POU2AF3: variants seen among roughly 807,000 people sequenced by gnomAD.
The protein encoded by POU2AF3 is cancer susceptibility candidate 13.
the POU2AF3 span, chr11:111,298,826 G>GCCGGGGGC: frequency 1.9e-5 from 15 of 790,960 alleles, no homozygotes; most frequent in Non-Finnish European, 2.4e-5. Context: ...CGTACCCCAG[G>GCCGGGGGC]CCCCCGCCCG....
the POU2AF3 span, chr11:111,299,169 C>T: frequency 1.0e-6 from 1 of 954,350 alleles, no homozygotes; most frequent in East Asian, 1.2e-4. Flanking sequence ...GAGACCCTAA[C>T]TCCTGGAACC....
chr11:111,304,368 T>C, the POU2AF3 span, among the ~76,000 whole-genome samples: 1 of 152,168 alleles, frequency 6.6e-6, no homozygotes, highest in Non-Finnish European at 1.5e-5. Flanking sequence ...TAGGAAGCCT[T>C]TTGCTGCATT....
chr11:111,298,826 G>GCGGGGGGCGCC, the POU2AF3 span: 1 of 790,960 alleles, frequency 1.3e-6, no homozygotes, highest in South Asian at 6.7e-5. Flanking sequence ...CGTACCCCAG[G>GCGGGGGGCGCC]CCCCCGCCCG....
the POU2AF3 span, chr11:111,305,009 C>T: frequency 1.6e-6 from 2 of 1,218,130 alleles, no homozygotes; most frequent in Non-Finnish European, 1.0e-6. Flanking sequence ...TTAACAGTTC[C>T]CTCAAACACT....
chr11:111,306,368 AC>A, the POU2AF3 span: 1 of 1,348,334 alleles, frequency 7.4e-7, no homozygotes, highest in Non-Finnish European at 9.7e-7. Flanking sequence ...TTATGCAAAA[AC>A]CTGCCTTTTT....
the POU2AF3 span, chr11:111,305,039 A>G: frequency 9.2e-7 from 1 of 1,083,824 alleles, no homozygotes. Context: ...GTCCATCTCA[A>G]AAGTCTTTCA....
chr11:111,308,301 AGGCAGAGGACTT>A, the POU2AF3 span: 1 of 1,551,734 alleles, frequency 6.4e-7, no homozygotes. Flanking sequence ...GCATCGTGTG[AGGCAGAGGACTT>A]GGATGCTCTC....
the POU2AF3 span, chr11:111,308,291 G>A: frequency 2.7e-5 from 42 of 1,551,610 alleles, no homozygotes; most frequent in Non-Finnish European, 3.1e-5. Flanking sequence ...CTGCTACTGC[G>A]CATCGTGTGA....
chr11:111,302,794 G>A, the POU2AF3 span, among the ~76,000 whole-genome samples: 8 of 152,134 alleles, frequency 5.3e-5, no homozygotes, highest in Non-Finnish European at 1.0e-4. Flanking sequence ...AAAGCCAGAC[G>A]TAAAATCCCT....
At chr11:111,306,647 T>C in the POU2AF3 span, 106 of 1,500,410 alleles carry the variant, frequency 7.1e-5, no homozygotes, top group Admixed American at 9.9e-5. Flanking sequence ...GTTCTTTATA[T>C]ACCTGATTGT....
the POU2AF3 span, chr11:111,306,369 C>T: frequency 1.5e-6 from 2 of 1,348,356 alleles, no homozygotes; most frequent in Non-Finnish European, 1.9e-6. Context: ...TATGCAAAAA[C>T]CTGCCTTTTT....
At chr11:111,302,229 T>G in the POU2AF3 span, among the ~76,000 whole-genome samples, 1 of 152,188 alleles carries the variant, frequency 6.6e-6, no homozygotes. Flanking sequence ...AAAACCCTTC[T>G]GTTGGCTCTT....
the POU2AF3 span, among the ~76,000 whole-genome samples, chr11:111,302,602 C>A: frequency 6.6e-6 from 1 of 152,058 alleles, no homozygotes; most frequent in Non-Finnish European, 1.5e-5. Context: ...TTCTGTTCCC[C>A]GGAGTAGTTT....
chr11:111,298,827 C>CGGGGGGGGCG, the POU2AF3 span: 14 of 631,558 alleles, frequency 2.2e-5, no homozygotes, highest in Non-Finnish European at 3.1e-5. Context: ...GTACCCCAGG[C>CGGGGGGGGCG]CCCCGCCCGC....
chr11:111,299,141 G>A, the POU2AF3 span: 9 of 946,184 alleles, frequency 9.5e-6, no homozygotes, highest in Non-Finnish European at 1.1e-5. Flanking sequence ...TAGGAAGAGC[G>A]CAATCTCCTT....
chr11:111,298,826 G>GGGGGGGGGGCC, the POU2AF3 span: 97 of 790,906 alleles, frequency 1.2e-4, no homozygotes, highest in Non-Finnish European at 1.6e-4. Flanking sequence ...CGTACCCCAG[G>GGGGGGGGGGCC]CCCCCGCCCG....
At chr11:111,304,916 T>C in the POU2AF3 span, 1 of 1,232,058 alleles carries the variant, frequency 8.1e-7, no homozygotes, top group Non-Finnish European at 1.0e-6. Context: ...GGTGATATTC[T>C]TGCTTTGACA....
the POU2AF3 span, among the ~76,000 whole-genome samples, chr11:111,306,876 G>T: frequency 6.6e-6 from 1 of 152,120 alleles, no homozygotes; most frequent in Non-Finnish European, 1.5e-5. Context: ...TAAGTTGGTG[G>T]GTAGCAATAA....
the POU2AF3 span, among the ~76,000 whole-genome samples, chr11:111,305,718 T>A: frequency 3.3e-5 from 5 of 152,200 alleles, no homozygotes; most frequent in Non-Finnish European, 7.3e-5. Context: ...GGAAAAGGAG[T>A]AATGTTTACT....
Sources: allele counts gnomAD v4.1 joint callset (sites outside exome capture counted in the v4.1 genomes callset), GRCh38; gene constraint gnomAD v4.1.1; transcripts MANE v1.5; gene names NCBI Gene and HGNC (gene_info 2026-07-23, HGNC 2026-07-21).